The following C10orf143 variants were observed in gnomAD, a reference collection of about 807,000 sequenced individuals.
The protein encoded by C10orf143 is uncharacterized protein C10orf143.
chr10:130,099,284 T>C (rs2134803192), intron 1 of C10orf143, among the ~76,000 whole-genome samples: 1 of 152,046 alleles, frequency 6.6e-6, no homozygotes, highest in Non-Finnish European at 1.5e-5. Flanking sequence ...AAATACAAAA[T>C]GGGTGAGAGA....
chr10:130,045,921 C>T (rs12267733), intron 3 of C10orf143, among the ~76,000 whole-genome samples: 65,348 of 151,798 alleles, frequency 0.43, 14,249 homozygotes, highest in African/African-American at 0.49. Flanking sequence ...GAGAAAGGAG[C>T]CACCTTCCGA....
chr10:130,063,451 G>A (rs1440567029), downstream of C10orf143, among the ~76,000 whole-genome samples: 1 of 152,060 alleles, frequency 6.6e-6, no homozygotes, highest in East Asian at 1.9e-4. Flanking sequence ...TTTTTTGATC[G>A]AGTCATAGCT....
chr10:130,082,608 G>A lies in C10orf143; in HGVS notation c.70-2707C>T, dbSNP rs575677592. The stretch of plus-strand genomic sequence containing the variant: ...CATTCTCTCTCATGCCTGCTGCCAC[G>A]TAAGACGTGCCATTCACCTTCTGCA... On this transcript the variant is annotated intron_variant, in intron 1 of 3. Coordinates refer to ENST00000637128, the MANE Select transcript of C10orf143 (RefSeq NM_001355042.2). Among the ~76,000 whole-genome samples, 6 of 152,282 alleles carry A rather than the reference G, an allele frequency of 3.9e-5. No individual in the cohort carries two copies. In the South Asian group the frequency reaches 8.3e-4, roughly 21 times the overall value.
intron 3 of C10orf143, among the ~76,000 whole-genome samples, chr10:130,073,220 C>A (rs950425435): frequency 6.6e-6 from 1 of 152,188 alleles, no homozygotes; most frequent in African/African-American, 2.4e-5. Flanking sequence ...CAGGACAGTT[C>A]TGCACCTGCT....
At chr10:130,080,931 G>T (rs909037745) in intron 1 of C10orf143, among the ~76,000 whole-genome samples, 1 of 152,150 alleles carries the variant, frequency 6.6e-6, no homozygotes, top group Non-Finnish European at 1.5e-5. Context: ...AGCAATAGGT[G>T]AGTATTAACT....
chr10:130,107,071 TAAAAC>T lies in C10orf143; in HGVS notation c.69+3628_69+3632del. On this transcript the variant is annotated intron_variant, in intron 1 of 3. Transcript: ENST00000637128. ...TTTATATCCAGTTACCTGAAATTGA[TAAAAC>T]AAAGGAAGAGCTTACAGAGCATATT... is the stretch of plus-strand genomic sequence containing the variant. The T allele has an allele frequency of 4.5e-6, 7 of 1,543,790 alleles. 1 individual carries two copies. Among genetic ancestry groups the T allele is most frequent in the South Asian group, 2.2e-5 (2 of 89,452 alleles).
intron 1 of C10orf143, among the ~76,000 whole-genome samples, chr10:130,101,849 CAAAAAAAAAAAAAACCAAAAAAAA>C (rs1204856024): frequency 3.7e-5 from 1 of 26,928 alleles, no homozygotes; most frequent in African/African-American, 6.8e-5. Context: ...GACTCTGTCT[CAAAAAAAAAAAAAACCAAAAAAAA>C]AAAAAAAAAA....
chr10:130,050,928 C>A (rs1860729680), intron 3 of C10orf143, among the ~76,000 whole-genome samples: 1 of 152,184 alleles, frequency 6.6e-6, no homozygotes, highest in Non-Finnish European at 1.5e-5. Context: ...GGATGATGGT[C>A]CCATCTCAGG....
chr10:130,035,803 C>G (rs1341122385), intron 4 of C10orf143: 1 of 152,248 alleles, frequency 6.6e-6, no homozygotes, highest in East Asian at 1.9e-4. Context: ...TTAGTCTGTT[C>G]AGGCTGCTAT....
intron 3 of C10orf143, among the ~76,000 whole-genome samples, chr10:130,074,167 A>G (rs1191762543): frequency 6.6e-6 from 1 of 152,234 alleles, no homozygotes; most frequent in East Asian, 1.9e-4. Flanking sequence ...AAGAGCAGAA[A>G]GCAGAGGGGG....
intron 3 of C10orf143, among the ~76,000 whole-genome samples, chr10:130,040,569 G>A (rs1040488142): frequency 6.6e-6 from 1 of 152,222 alleles, no homozygotes; most frequent in South Asian, 2.1e-4. Context: ...AGAATGGGAC[G>A]GCGTGCTGGC....
At chr10:130,100,382 T>A (rs1014774980) in intron 1 of C10orf143, among the ~76,000 whole-genome samples, 1 of 151,692 alleles carries the variant, frequency 6.6e-6, no homozygotes, top group Non-Finnish European at 1.5e-5. Flanking sequence ...ATACAAAAAT[T>A]AGCCAGGCGT....
At chr10:130,059,105 A>C (rs557773584), downstream of C10orf143, among the ~76,000 whole-genome samples, 33 of 152,330 alleles carry the variant, frequency 2.2e-4, no homozygotes, top group African/African-American at 7.7e-4. Flanking sequence ...AGTTAGATAT[A>C]TCACTCTTTA....
intron 1 of C10orf143, among the ~76,000 whole-genome samples, chr10:130,090,470 G>A (rs1349540907): frequency 1.3e-5 from 2 of 152,150 alleles, no homozygotes; most frequent in East Asian, 3.9e-4. Context: ...TGGGTTTCAA[G>A]CACAAAACTG....
chr10:130,099,850 T>A (rs1257775393), intron 1 of C10orf143, among the ~76,000 whole-genome samples: 4 of 60,058 alleles, frequency 6.7e-5, no homozygotes, highest in Non-Finnish European at 1.2e-4. Flanking sequence ...CTTTATTTTT[T>A]TTTTTTTAAG....
At chr10:130,058,813 G>A in intron 3 of C10orf143, among the ~76,000 whole-genome samples, 1 of 151,866 alleles carries the variant, frequency 6.6e-6, no homozygotes, top group Admixed American at 6.6e-5. Flanking sequence ...AACACTTTAT[G>A]TGGGTTTTTT....
intron 1 of C10orf143, chr10:130,108,263 G>C: frequency 1.3e-6 from 2 of 1,567,570 alleles, no homozygotes; most frequent in Non-Finnish European, 1.8e-6. Context: ...GGATTTCCCA[G>C]GTCCACCACA....
intron 3 of C10orf143, among the ~76,000 whole-genome samples, chr10:130,077,312 C>T (rs140850625): frequency 1.4e-3 from 220 of 152,166 alleles, no homozygotes; most frequent in African/African-American, 4.9e-3. Flanking sequence ...AACAGAAGGA[C>T]CACCAAGCTC....
chr10:130,057,528 T>C (rs572359330), intron 3 of C10orf143, among the ~76,000 whole-genome samples: 104 of 152,272 alleles, frequency 6.8e-4, no homozygotes, highest in South Asian at 1.7e-3. Context: ...GGCCAGAAGT[T>C]TCTAAAGGTC....
Sources: allele counts gnomAD v4.1 joint callset (sites outside exome capture counted in the v4.1 genomes callset), GRCh38; gene constraint gnomAD v4.1.1; transcripts MANE v1.5; gene names NCBI Gene and HGNC (gene_info 2026-07-23, HGNC 2026-07-21).